NRXN1: variants seen among roughly 807,000 people sequenced by gnomAD.
NRXN1 encodes the protein neurexin-1.
A neutral mutation model predicts 150.9 loss-of-function variants in NRXN1; 39 were observed. That is an observed-to-expected ratio of 0.26 (90% CI 0.20 to 0.34). NRXN1 has a LOEUF of 0.34. NRXN1 is among the 10% of genes least tolerant of loss of function. NRXN1 has a pLI of 1.00. For synonymous variants in NRXN1, 924 were observed against 757.0 expected (o/e 1.22, Z -3.62); for missense variants, 1,815 against 1,949.9 (o/e 0.93, Z 1.30).
chr2:50,853,971 A>G (rs1157828310), intron 5 of NRXN1, among the ~76,000 whole-genome samples: 3 of 152,034 alleles, frequency 2.0e-5, no homozygotes, highest in African/African-American at 7.2e-5. Flanking sequence ...TTTCCCCAAA[A>G]TAATGCTTTT....
chr2:50,175,774 A>G (rs1466484278), intron 18 of NRXN1, among the ~76,000 whole-genome samples: 1 of 152,178 alleles, frequency 6.6e-6, no homozygotes, highest in Non-Finnish European at 1.5e-5. Flanking sequence ...AAAAAATAAA[A>G]GAGAAATCAG....
intron 5 of NRXN1, among the ~76,000 whole-genome samples, chr2:50,764,107 C>A (rs904804192): frequency 6.7e-6 from 1 of 150,246 alleles, no homozygotes; most frequent in Non-Finnish European, 1.5e-5. Flanking sequence ...CTTTTTAATT[C>A]TACTGGCCGG....
At chr2:50,318,555 G>T (rs978588056) in intron 17 of NRXN1, among the ~76,000 whole-genome samples, 1 of 151,824 alleles carries the variant, frequency 6.6e-6, no homozygotes, top group African/African-American at 2.4e-5. Flanking sequence ...GCATAGAGTG[G>T]GTTACAATAT....
intron 19 of NRXN1, 97 bp downstream of exon 19, chr2:50,091,226 A>T: frequency 7.1e-7 from 1 of 1,416,476 alleles, no homozygotes; most frequent in Non-Finnish European, 9.9e-7. Context: ...ATGGTTTCTC[A>T]GAAAACCACA....
chr2:49,983,570 T>C (rs1217989773), intron 21 of NRXN1, among the ~76,000 whole-genome samples: 2 of 152,178 alleles, frequency 1.3e-5, no homozygotes, highest in East Asian at 3.9e-4. Context: ...TTCTATGATA[T>C]GCTGTGAGTC....
chr2:50,622,133 C>T (rs1173684107), intron 6 of NRXN1, among the ~76,000 whole-genome samples: 1 of 152,122 alleles, frequency 6.6e-6, no homozygotes, highest in Non-Finnish European at 1.5e-5. Flanking sequence ...CAATCCTCTC[C>T]AAAGGCAGGT....
chr2:50,632,872 T>C (rs1682585144), intron 5 of NRXN1: 1 of 151,920 alleles, frequency 6.6e-6, no homozygotes, highest in South Asian at 2.1e-4. Context: ...TCAATATCTA[T>C]TTAATATGTA....
chr2:50,973,850 C>T (rs2104810829), intron 2 of NRXN1, among the ~76,000 whole-genome samples: 1 of 152,088 alleles, frequency 6.6e-6, no homozygotes, highest in African/African-American at 2.4e-5. Context: ...GAATAAACAT[C>T]ATGGTTATAG....
chr2:50,655,738 T>G (rs879092315), intron 5 of NRXN1, among the ~76,000 whole-genome samples: 1 of 151,854 alleles, frequency 6.6e-6, no homozygotes, highest in Admixed American at 6.6e-5. Flanking sequence ...ACATCATCAC[T>G]GGCCTACCCA....
At chr2:50,699,929 A>G (rs1017533131) in intron 5 of NRXN1, among the ~76,000 whole-genome samples, 6 of 152,112 alleles carry the variant, frequency 3.9e-5, no homozygotes, top group African/African-American at 1.4e-4. Flanking sequence ...AAAACCACCA[A>G]CTTCCTCTAA....
intron 18 of NRXN1, among the ~76,000 whole-genome samples, chr2:50,104,917 C>T (rs754312257): frequency 4.6e-5 from 7 of 152,038 alleles, no homozygotes; most frequent in Non-Finnish European, 8.8e-5. Context: ...ACTTTTCAGA[C>T]CTCCACTCCT....
At chr2:51,013,760 C>A (rs1327057272) in intron 2 of NRXN1, among the ~76,000 whole-genome samples, 1 of 152,060 alleles carries the variant, frequency 6.6e-6, no homozygotes, top group African/African-American at 2.4e-5. Flanking sequence ...ACTAGAATTA[C>A]AAGTGAATGC....
intron 9 of NRXN1, among the ~76,000 whole-genome samples, chr2:50,543,736 T>A (rs2093435823): frequency 6.6e-6 from 1 of 152,144 alleles, no homozygotes; most frequent in Admixed American, 6.5e-5. Context: ...TTCTATCCTA[T>A]TTTTATTGTC....
At chr2:50,153,110 G>A (rs146059239) in intron 18 of NRXN1, among the ~76,000 whole-genome samples, 27 of 151,622 alleles carry the variant, frequency 1.8e-4, no homozygotes, top group African/African-American at 6.5e-4. Flanking sequence ...TGTCTGCTCA[G>A]TTCTGTATTT....
chr2:50,215,049 A>G (rs1466324665), intron 18 of NRXN1, among the ~76,000 whole-genome samples: 1 of 151,998 alleles, frequency 6.6e-6, no homozygotes. Context: ...AACCCTCACA[A>G]AATTCATTTT....
intron 8 of NRXN1, among the ~76,000 whole-genome samples, chr2:50,598,562 ATGTGTG>A (rs138387519): frequency 1.0e-4 from 15 of 147,372 alleles, no homozygotes; most frequent in African/African-American, 1.8e-4. Context: ...GTATATATAT[ATGTGTG>A]TGTGTGTGTG....
chr2:50,840,533 T>C (rs1192603879), intron 5 of NRXN1, among the ~76,000 whole-genome samples: 1 of 152,096 alleles, frequency 6.6e-6, no homozygotes, highest in African/African-American at 2.4e-5. Context: ...GAAAAACACG[T>C]CTCGGCTTGC....
At chr2:50,811,954 TA>T (rs2105767858) in intron 5 of NRXN1, among the ~76,000 whole-genome samples, 1 of 152,294 alleles carries the variant, frequency 6.6e-6, no homozygotes, top group East Asian at 1.9e-4. Flanking sequence ...CTAAAATCAT[TA>T]AGCAATTCCA....
At position 50,394,196 on chromosome 2, in the gene NRXN1, C is replaced by T. The variant is rs112073353; in HGVS notation, c.3364+71246G>A. Reference sequence around the variant, plus strand: ...TTCTGGGTAATTTCATCTTGTCCTGCGACTACAATCTATCTATATGTGATG... The same window carrying T: ...TTCTGGGTAATTTCATCTTGTCCTGTGACTACAATCTATCTATATGTGATG... On this transcript the variant is annotated intron_variant, in intron 17 of 22. Coordinates refer to ENST00000401669, the MANE Select transcript of NRXN1 (RefSeq NM_001330078.2). Among the ~76,000 whole-genome samples the T allele has an allele frequency of 5.3e-3, 809 of 152,104 alleles. 2 individuals are homozygous for T. The highest frequency in any genetic ancestry group is 0.01 in the Admixed American group (159 of 15,264).
Sources: allele counts gnomAD v4.1 joint callset (sites outside exome capture counted in the v4.1 genomes callset), GRCh38; gene constraint gnomAD v4.1.1; transcripts MANE v1.5; gene names NCBI Gene and HGNC (gene_info 2026-07-23, HGNC 2026-07-21).